Variants in CD1B observed in about 807,000 individuals in gnomAD.
CD1B encodes CD1b molecule, also known as T-cell surface glycoprotein CD1b.
In CD1B, 43 loss-of-function variants were observed where a neutral mutation model predicts 39.8. That is an observed-to-expected ratio of 1.08 (90% CI 0.85 to 1.39). The LOEUF (loss-of-function observed/expected upper bound fraction) is 1.39. CD1B is among the 40% of genes most tolerant of loss of function. CD1B has a pLI of 0.00. For synonymous variants in CD1B, 192 were observed against 152.5 expected (o/e 1.26, Z -1.91); for missense variants, 495 against 403.8 (o/e 1.23, Z -1.94).
downstream of CD1B, among the ~76,000 whole-genome samples, chr1:158,323,676 C>T (rs954171300): frequency 6.6e-6 from 1 of 152,206 alleles, no homozygotes; most frequent in Non-Finnish European, 1.5e-5. Flanking sequence ...TGTTAGATCG[C>T]ATGACTGCTG....
chr1:158,326,756 T>G (rs1305332601), downstream of CD1B, among the ~76,000 whole-genome samples: 1 of 152,022 alleles, frequency 6.6e-6, no homozygotes, highest in Non-Finnish European at 1.5e-5. Flanking sequence ...AAAGGATAGT[T>G]TTTATACTGC....
chr1:158,296,269 A>C, the CD1B span, among the ~76,000 whole-genome samples: 4 of 152,214 alleles, frequency 2.6e-5, no homozygotes, highest in East Asian at 7.7e-4. Context: ...AAGGGGCCAA[A>C]GAACAAGGTT....
chr1:158,290,857 G>C, the CD1B span, among the ~76,000 whole-genome samples: 2 of 152,152 alleles, frequency 1.3e-5, no homozygotes, highest in Non-Finnish European at 2.9e-5. Flanking sequence ...TCAGCTGCAA[G>C]GTTACATGTA....
At chr1:158,324,697 A>G (rs537518365), downstream of CD1B, among the ~76,000 whole-genome samples, 6 of 152,264 alleles carry the variant, frequency 3.9e-5, no homozygotes, top group South Asian at 1.2e-3. Flanking sequence ...AGGCCTAGAA[A>G]CTAGGATTAA....
At chr1:158,322,417 GTT>G in the CD1B span, among the ~76,000 whole-genome samples, 1 of 135,718 alleles carries the variant, frequency 7.4e-6, no homozygotes. Context: ...TTTTTTTTCT[GTT>G]TTTTTTTTTT....
chr1:158,298,423 C>T, the CD1B span, among the ~76,000 whole-genome samples: 22 of 152,230 alleles, frequency 1.4e-4, no homozygotes, highest in African/African-American at 5.1e-4. Context: ...AACGCTCCAC[C>T]CAAAACCAAA....
At chr1:158,318,793 A>T in the CD1B span, among the ~76,000 whole-genome samples, 15 of 152,136 alleles carry the variant, frequency 9.9e-5, no homozygotes, top group African/African-American at 3.1e-4. Flanking sequence ...ATTTTGCAGC[A>T]GCTTGTACCG....
At chr1:158,299,779 T>C in the CD1B span, among the ~76,000 whole-genome samples, 1 of 152,228 alleles carries the variant, frequency 6.6e-6, no homozygotes, top group Non-Finnish European at 1.5e-5. Flanking sequence ...TGCACAGAGA[T>C]GTTTATATTA....
chr1:158,316,776 A>G, the CD1B span, among the ~76,000 whole-genome samples: 1 of 151,738 alleles, frequency 6.6e-6, no homozygotes, highest in Non-Finnish European at 1.5e-5. Context: ...CCCATTCAGT[A>G]TGATATTGGC....
the CD1B span, among the ~76,000 whole-genome samples, chr1:158,297,845 G>A: frequency 7.2e-5 from 11 of 152,034 alleles, no homozygotes; most frequent in East Asian, 2.1e-3. Flanking sequence ...TGAGGTAGGA[G>A]GATCACCCAA....
In CD1B at chr1:158,328,031, A is replaced by C. The variant is rs1332961002; in HGVS notation, c.*205T>G. On this transcript the variant is annotated 3_prime_UTR_variant, in exon 6 of 6. Transcript: ENST00000368168. ...AATGTGTGTAAAATCAGGGTGAATC[A>C]CACTGTTAGTACAGTCTCATAATAA... The C allele has an allele frequency of 2.1e-5, 10 of 481,572 alleles. No homozygotes were observed. Among genetic ancestry groups the C allele is most frequent in the Non-Finnish European group, 2.9e-5 (8 of 271,370 alleles). The allele number at this position is 481,572 out of a possible 1,614,324, so 29.8% of individuals were successfully genotyped here.
chr1:158,317,762 C>T, the CD1B span, among the ~76,000 whole-genome samples: 2 of 152,132 alleles, frequency 1.3e-5, no homozygotes, highest in Non-Finnish European at 2.9e-5. Context: ...GTTAGGATGT[C>T]AATTTTGGAT....
the CD1B span, among the ~76,000 whole-genome samples, chr1:158,322,555 C>T: frequency 9.2e-5 from 14 of 152,062 alleles, no homozygotes; most frequent in African/African-American, 3.4e-4. Context: ...CAGCCATGAG[C>T]TACCATGCCT....
At chr1:158,326,764 T>A (rs988397009), downstream of CD1B, among the ~76,000 whole-genome samples, 1 of 151,954 alleles carries the variant, frequency 6.6e-6, no homozygotes. Flanking sequence ...GTTTTTATAC[T>A]GCTTTATGTT....
the CD1B span, among the ~76,000 whole-genome samples, chr1:158,306,622 T>C: frequency 0.012 from 1,757 of 152,226 alleles, 34 homozygotes; most frequent in African/African-American, 0.04. Flanking sequence ...ATCAACAGAA[T>C]AGACATTCTT....
chr1:158,315,125 A>G, the CD1B span, among the ~76,000 whole-genome samples: 2 of 151,924 alleles, frequency 1.3e-5, no homozygotes, highest in African/African-American at 4.8e-5. Context: ...ACACGTGTGC[A>G]TGTGTCTTTA....
At chr1:158,312,770 T>C in the CD1B span, among the ~76,000 whole-genome samples, 1 of 152,224 alleles carries the variant, frequency 6.6e-6, no homozygotes, top group Non-Finnish European at 1.5e-5. Flanking sequence ...GTATTTTCTG[T>C]ATATAAAGTT....
rs755353114 is a variant in CD1B at position 158,331,459 on chromosome 1, G to A, written c.-36C>T. 1.9e-6 allele frequency: 3 copies of A among 1,572,564 alleles called. No individual in the cohort carries two copies. Among genetic ancestry groups the A allele is most frequent in the South Asian group, 1.1e-5 (1 of 89,640 alleles). On this transcript the variant is annotated 5_prime_UTR_variant, in exon 1 of 6. Coordinates refer to ENST00000368168, the MANE Select transcript of CD1B (RefSeq NM_001764.3). ...GATGCAACTTCTTACTGGCAGAGCTGGTATTTGATCTCCAATTTCAGCAAA... is the reference window on the plus strand; with the variant it reads ...GATGCAACTTCTTACTGGCAGAGCTAGTATTTGATCTCCAATTTCAGCAAA...
chr1:158,327,285 T>C (rs2101709307), downstream of CD1B, among the ~76,000 whole-genome samples: 1 of 152,258 alleles, frequency 6.6e-6, no homozygotes, highest in East Asian at 1.9e-4. Context: ...TACAGAAAAG[T>C]TATAGGAGTC....
Sources: gnomAD v4.1 joint callset for allele counts (sites outside exome capture counted in the v4.1 genomes callset) on GRCh38, gnomAD v4.1.1 for gene constraint, MANE v1.5 for transcripts, NCBI Gene and HGNC (gene_info 2026-07-23, HGNC 2026-07-21) for gene names.